PPM1A: variants seen among roughly 807,000 people sequenced by gnomAD.
PPM1A encodes the protein protein phosphatase, Mg2+/Mn2+ dependent 1A.
PPM1A carries 7 observed loss-of-function variants against 35.0 expected under a neutral mutation model. That is an observed-to-expected ratio of 0.20 (90% CI 0.11 to 0.38). PPM1A has a LOEUF of 0.38. PPM1A is among the 10% of genes least tolerant of loss of function. The pLI is 1.00. For synonymous variants in PPM1A, 153 were observed against 167.3 expected (o/e 0.91, Z 0.66); for missense variants, 239 against 467.8 (o/e 0.51, Z 4.51).
At chr14:60,284,705 G>T (rs1013196650) in intron 2 of PPM1A, among the ~76,000 whole-genome samples, 1 of 105,950 alleles carries the variant, frequency 9.4e-6, no homozygotes, top group African/African-American at 6.0e-5. Flanking sequence ...ATATGTGTGT[G>T]TGTATATATA....
In PPM1A at chr14:60,283,413, C is replaced by G; in HGVS notation, c.710C>G (p.Ala237Gly). 1 of 1,614,192 alleles carries G rather than the reference C, an allele frequency of 6.2e-7. No homozygotes were observed. The highest frequency in any genetic ancestry group is 1.1e-5 in the South Asian group (1 of 91,084). The part of the protein sequence containing the change: ...SEEDDQFIIL[A>G]CDGIWDVMGN... ...GAAGATGATCAGTTCATTATCCTTGCATGTGATGGTATCTGGGATGTTATG... is the reference window on the plus strand; with the variant it reads ...GAAGATGATCAGTTCATTATCCTTGGATGTGATGGTATCTGGGATGTTATG... The change falls in exon 2 of 6, where the codon GCA becomes GGA. Residue 237 changes from alanine (A) to glycine (G), a missense_variant. Physicochemically the swap from Ala to Gly is moderately conservative, Grantham distance 60. This residue lies in a region of PPM1A where 175 missense variants were observed against 389.2 expected (regional missense o/e 0.45). Coordinates refer to ENST00000395076, the MANE Select transcript of PPM1A (RefSeq NM_021003.5). The surrounding 1 kb of genome is among the most constrained non-coding windows in gnomAD (Gnocchi z 6.3).
intron 5 of PPM1A, 101 bp downstream of exon 5, chr14:60,291,555 T>G: frequency 2.3e-6 from 2 of 858,492 alleles, no homozygotes; most frequent in Non-Finnish European, 3.5e-6. Flanking sequence ...ACCCATTCTC[T>G]TACACACACC....
rs1159460891 is a variant in PPM1A, at chr14:60,249,283, A to G, written c.-415A>G. On this transcript the variant is annotated 5_prime_UTR_variant, in exon 1 of 6. Coordinates refer to ENST00000395076, the MANE Select transcript of PPM1A (RefSeq NM_021003.5). The surrounding 1 kb of genome is among the most constrained non-coding windows in gnomAD (Gnocchi z 4.5). Reference sequence around the variant, plus strand: ...GGAGCGCGCGCGGGAGCTAGAGAGCAGTGGTCTCGGCGCTCGTCCGGCCCG... The same window carrying G: ...GGAGCGCGCGCGGGAGCTAGAGAGCGGTGGTCTCGGCGCTCGTCCGGCCCG... 1 of 955,048 alleles carries G rather than the reference A, an allele frequency of 1.0e-6. No homozygotes were observed. Among genetic ancestry groups the G allele is most frequent in the Non-Finnish European group, 1.2e-6 (1 of 824,520 alleles). The allele number at this position is 955,048 out of a possible 1,614,324, so 59.2% of individuals were successfully genotyped here. A position where few individuals can be genotyped will look rare whatever the true frequency, so the allele number is the denominator to read the frequency against.
intron 1 of PPM1A, among the ~76,000 whole-genome samples, chr14:60,255,460 C>A (rs1403998087): frequency 6.6e-6 from 1 of 152,130 alleles, no homozygotes; most frequent in South Asian, 2.1e-4. Flanking sequence ...CGTGAGCCAC[C>A]GCGCCCGGCC....
upstream of PPM1A, chr14:60,245,763 A>G: frequency 8.1e-7 from 1 of 1,236,936 alleles, no homozygotes; most frequent in Non-Finnish European, 1.1e-6. This position sits in a 1 kb window ranked among gnomAD's most constrained non-coding sequence, Gnocchi z 4.2. Context: ...ATGTATTATG[A>G]TGTAGGGGAG....
chr14:60,248,408 C>T (rs555280693), upstream of PPM1A, among the ~76,000 whole-genome samples: 11 of 152,312 alleles, frequency 7.2e-5, no homozygotes, highest in East Asian at 2.1e-3. Flanking sequence ...ATGTGGAATC[C>T]CCTGAACTAT....
intron 1 of PPM1A, among the ~76,000 whole-genome samples, chr14:60,271,240 ACT>A (rs1443672731): frequency 6.6e-6 from 1 of 151,918 alleles, no homozygotes; most frequent in African/African-American, 2.4e-5. Flanking sequence ...TCTTCCCCTG[ACT>A]CTCTATTCTA....
intron 1 of PPM1A, among the ~76,000 whole-genome samples, chr14:60,278,018 T>G (rs1459298481): frequency 1.3e-5 from 2 of 152,174 alleles, no homozygotes; most frequent in Admixed American, 1.3e-4. Flanking sequence ...CTTAGTTTCT[T>G]CATGAGTAAA....
rs571393554 is a variant in PPM1A at position 60,289,393 on chromosome 14, G to C, written c.953-413G>C. Among the ~76,000 whole-genome samples the C allele has an allele frequency of 6.5e-4, 99 of 151,964 alleles. No homozygotes were observed. The highest frequency in any genetic ancestry group is 1.2e-3 in the Admixed American group (18 of 15,252). On this transcript the variant is annotated intron_variant, in intron 3 of 5. Coordinates refer to ENST00000395076, the MANE Select transcript of PPM1A (RefSeq NM_021003.5). The surrounding 1 kb of genome is among the most constrained non-coding windows in gnomAD (Gnocchi z 4.1). ...TTAAGGGTTGTTATTTTCAAATCTT[G>C]AAATTGTTTATTTTTTAAAATTCCA...
chr14:60,288,571 T>G, intron 3 of PPM1A: 1 of 979,884 alleles, frequency 1.0e-6, no homozygotes, highest in Non-Finnish European at 1.2e-6. Context: ...GATCCTTGCT[T>G]TTTGTTCAGA....
chr14:60,286,092 T>G, intron 3 of PPM1A: 1 of 993,490 alleles, frequency 1.0e-6, no homozygotes, highest in Non-Finnish European at 1.2e-6. Flanking sequence ...ACAAAGAGAT[T>G]GTGATGGTGA....
chr14:60,283,581 A>T lies in PPM1A; in HGVS notation c.834+44A>T. ...AAAACATAAAATGATTTTATGCCAT[A>T]TTAATCACTACTCTAGTATTTAATC... On this transcript the variant is annotated intron_variant, in intron 2 of 5. Transcript: ENST00000395076. The surrounding 1 kb of genome is among the most constrained non-coding windows in gnomAD (Gnocchi z 6.3). 1 of 1,533,548 alleles carries T rather than the reference A, an allele frequency of 6.5e-7. No individual in the cohort carries two copies. The highest frequency in any genetic ancestry group is 8.8e-7 in the Non-Finnish European group (1 of 1,140,468). 95.0% of individuals were successfully genotyped at this position (1,533,548 alleles called of 1,614,324 possible).
rs1038514633 is a variant in PPM1A at position 60,296,563 on chromosome 14, T to A, written c.*4081T>A. ...TGAGTATCTAGTCTTCTAGTTTTTC[T>A]TTTAGGCATTAGGAAGCCTTCTTTA... On this transcript the variant is annotated 3_prime_UTR_variant, in exon 6 of 6. Transcript: ENST00000395076. This position sits in a 1 kb window ranked among gnomAD's most constrained non-coding sequence, Gnocchi z 4.4. 1 of 317,652 alleles carries A rather than the reference T, an allele frequency of 3.1e-6. No homozygotes were observed. Among genetic ancestry groups the A allele is most frequent in the Admixed American group, 5.1e-5 (1 of 19,648 alleles). The allele number at this position is 317,652 out of a possible 1,614,324, so 19.7% of individuals were successfully genotyped here.
upstream of PPM1A, among the ~76,000 whole-genome samples, chr14:60,248,092 C>T (rs961761146): frequency 6.6e-6 from 1 of 152,162 alleles, no homozygotes; most frequent in Admixed American, 6.6e-5. Flanking sequence ...AATGGGAACC[C>T]GTGCTGGTGA....
intron 1 of PPM1A, among the ~76,000 whole-genome samples, chr14:60,279,086 TTAC>T: frequency 6.6e-6 from 1 of 152,308 alleles, no homozygotes; most frequent in African/African-American, 2.4e-5. Flanking sequence ...CAGTATTTAC[TTAC>T]TTTTATCACC....
intron 1 of PPM1A, among the ~76,000 whole-genome samples, chr14:60,271,739 AT>A (rs1885144062): frequency 6.6e-6 from 1 of 152,132 alleles, no homozygotes. Context: ...CTGTAGTAAA[AT>A]AATTTTGTGT....
Position 60,292,122 on chromosome 14 carries a change from T to A in PPM1A, c.1120-331T>A, listed in dbSNP as rs866051303. Among the ~76,000 whole-genome samples, 5 of 152,090 alleles carry A rather than the reference T, an allele frequency of 3.3e-5. No homozygotes were observed. Among genetic ancestry groups the A allele is most frequent in the Non-Finnish European group, 7.4e-5 (5 of 68,014 alleles). ...TTAATCTTTTCTGATGCATTAAAGG[T>A]TTATAAAAGTGGTATTCTAAAACTG... is the stretch of plus-strand genomic sequence containing the variant. On this transcript the variant is annotated intron_variant, in intron 5 of 5. Transcript: ENST00000395076. The surrounding 1 kb of genome is among the most constrained non-coding windows in gnomAD (Gnocchi z 4.2).
At chr14:60,252,571 C>T (rs1336933050) in intron 1 of PPM1A, among the ~76,000 whole-genome samples, 1 of 152,164 alleles carries the variant, frequency 6.6e-6, no homozygotes, top group African/African-American at 2.4e-5. Context: ...AAAGTTGTGT[C>T]TTCCTCTAAG....
chr14:60,257,460 T>A (rs931050807), intron 1 of PPM1A, among the ~76,000 whole-genome samples: 1 of 152,168 alleles, frequency 6.6e-6, no homozygotes, highest in Non-Finnish European at 1.5e-5. Context: ...TGAGAAAGCA[T>A]GGGTCATGTA....
Sources: allele counts gnomAD v4.1 joint callset (sites outside exome capture counted in the v4.1 genomes callset), GRCh38; gene constraint gnomAD v4.1.1; regional missense constraint gnomAD v4.1.1; non-coding constraint Gnocchi (gnomAD v3.1); transcripts MANE v1.5; gene names NCBI Gene and HGNC (gene_info 2026-07-23, HGNC 2026-07-21).